The following BCAM variants were observed in gnomAD, a reference collection of about 807,000 sequenced individuals.
BCAM encodes the protein basal cell adhesion molecule.
A neutral mutation model predicts 72.4 loss-of-function variants in BCAM; 61 were observed. The observed-to-expected ratio is 0.84, with a 90% CI of 0.69 to 1.04. BCAM has a LOEUF of 1.04. BCAM is among the 50% of genes least tolerant of loss of function. BCAM has a pLI of 0.00. For missense variants in BCAM, 909 were observed against 895.0 expected (o/e 1.02, Z -0.20); for synonymous variants, 408 against 384.2 (o/e 1.06, Z -0.73).
In BCAM at chr19:44,814,571, T is replaced by G. The variant is rs1366490009; in HGVS notation, c.922-33T>G. On this transcript the variant is annotated intron_variant, in intron 7 of 14. Transcript: ENST00000270233. The surrounding 1 kb of genome is among the most constrained non-coding windows in gnomAD (Gnocchi z 4.6). ...ATGAGCCCGCTGAACCGGGGTGGCTTCTGAGCCTGGTTCCTCGTCCCCCGT... is the reference window on the plus strand; with the variant it reads ...ATGAGCCCGCTGAACCGGGGTGGCTGCTGAGCCTGGTTCCTCGTCCCCCGT... 6.2e-7 allele frequency: 1 copy of G among 1,602,966 alleles called. No individual in the cohort carries two copies. The highest frequency in any genetic ancestry group is 1.3e-5 in the African/African-American group (1 of 74,884).
At position 44,813,223 on chromosome 19, in the gene BCAM, C is replaced by T. The variant is rs757403104; in HGVS notation, c.505-27C>T. 1.5e-5 allele frequency: 24 copies of T among 1,612,442 alleles called. No homozygotes were observed. Among genetic ancestry groups the T allele is most frequent in the Non-Finnish European group, 2.0e-5 (24 of 1,179,150 alleles). On this transcript the variant is annotated intron_variant, in intron 4 of 14. Transcript: ENST00000270233. This position sits in a 1 kb window ranked among gnomAD's most constrained non-coding sequence, Gnocchi z 4.2. ...CGACTTCAGAGTCCCAGCTCCAAGC[C>T]CAGGGCCATGCCCGTGTCTGCCTCA...
At chr19:44,810,715 G>C (rs1415731958) in intron 1 of BCAM, among the ~76,000 whole-genome samples, 2 of 152,194 alleles carry the variant, frequency 1.3e-5, no homozygotes, top group East Asian at 3.8e-4. Flanking sequence ...CCCTGCCCTG[G>C]GGGGTGGCGT....
At chr19:44,820,539 C>T (rs1968570520) in intron 13 of BCAM, 166 bp from the exon 14 acceptor site, 2 of 1,286,132 alleles carry the variant, frequency 1.6e-6, no homozygotes, top group Non-Finnish European at 2.0e-6. Flanking sequence ...ACCCCAGTGC[C>T]ATTACCAGCC....
In BCAM at chr19:44,814,904, G is replaced by GGTT; in HGVS notation, c.1078+148_1078+150dup. On this transcript the variant is annotated intron_variant, in intron 8 of 14. Transcript: ENST00000270233. This position sits in a 1 kb window ranked among gnomAD's most constrained non-coding sequence, Gnocchi z 4.6. ...CTCTGCATTTCTTGGGGGTTTTTTT[G>GGTT]GTTGTTTTTTTTTTTTTTTTTTTCC... The GGTT allele has an allele frequency of 1.0e-6, 1 of 964,220 alleles. No homozygotes were observed. Among genetic ancestry groups the GGTT allele is most frequent in the African/African-American group, 1.7e-5 (1 of 57,806 alleles). The allele number at this position is 964,220 out of a possible 1,614,324, so 59.7% of individuals were successfully genotyped here.
At position 44,819,567 on chromosome 19, in the gene BCAM, A is replaced by C; in HGVS notation, c.1619-15A>C. 1 of 1,612,398 alleles carries C rather than the reference A, an allele frequency of 6.2e-7. No homozygotes were observed. Among genetic ancestry groups the C allele is most frequent in the Non-Finnish European group, 8.5e-7 (1 of 1,178,908 alleles). On this transcript the variant is annotated splice_polypyrimidine_tract_variant and intron_variant, in intron 12 of 14. Transcript: ENST00000270233. The stretch of plus-strand genomic sequence containing the variant: ...CACTGCCTGACCCACGCCTCTCTCC[A>C]TCCTGTCCCTGCAGTGAGCCCCCAG...
intron 13 of BCAM, 49 bp downstream of exon 13, chr19:44,819,775 C>T (rs750930787): frequency 6.6e-7 from 1 of 1,520,878 alleles, no homozygotes; most frequent in Admixed American, 2.2e-5. Flanking sequence ...ACCCCATCCC[C>T]ACCCTCAACC....
At chr19:44,811,372 G>A (rs1330638502) in intron 2 of BCAM, 26 bp downstream of exon 2, 1 of 1,612,402 alleles carries the variant, frequency 6.2e-7, no homozygotes, top group Non-Finnish European at 8.5e-7. Context: ...TGGGGGGCCT[G>A]GAGTCAGGGC....
intron 1 of BCAM, 88 bp from the exon 2 acceptor site, chr19:44,811,137 G>A: frequency 3.8e-6 from 6 of 1,593,198 alleles, no homozygotes; most frequent in Non-Finnish European, 5.1e-6. Flanking sequence ...CTGGGACCTG[G>A]ACGCTTGTGT....
Position 44,818,998 on chromosome 19 carries a change from C to T in BCAM, c.1337-58C>T, listed in dbSNP as rs1467394096. 9 of 1,604,170 alleles carry T rather than the reference C, an allele frequency of 5.6e-6. No individual in the cohort carries two copies. In the Admixed American group the frequency reaches 1.0e-4, roughly 18 times the overall value. The stretch of plus-strand genomic sequence containing the variant: ...GGGGACTCCATCTTCTGCTCGATGC[C>T]TCTCTTCTCTCTCTCTCTCCTCTCC... On this transcript the variant is annotated intron_variant, in intron 10 of 14. Transcript: ENST00000270233. This position sits in a 1 kb window ranked among gnomAD's most constrained non-coding sequence, Gnocchi z 4.6.
In BCAM at chr19:44,814,308, C is replaced by T; in HGVS notation, c.921+20C>T. The T allele has an allele frequency of 6.3e-7, 1 of 1,579,366 alleles. No individual in the cohort carries two copies. Among genetic ancestry groups the T allele is most frequent in the Non-Finnish European group, 8.5e-7 (1 of 1,171,540 alleles). The stretch of plus-strand genomic sequence containing the variant: ...CTTCAGGTGACCCACCCAAGGGTCC[C>T]TCTGGGATCCACCCCCCAGCCCCTG... On this transcript the variant is annotated intron_variant, in intron 7 of 14. Coordinates refer to ENST00000270233, the MANE Select transcript of BCAM (RefSeq NM_005581.5). The surrounding 1 kb of genome is among the most constrained non-coding windows in gnomAD (Gnocchi z 4.6).
chr19:44,820,939 G>A lies in BCAM; in HGVS notation c.*18G>A. Reference sequence around the variant, plus strand: ...AGTGCTGAGCCAAGAACCTCCTAGAGGCTGTCCCTGGACCTGGAGCTGCAG... The same window carrying A: ...AGTGCTGAGCCAAGAACCTCCTAGAAGCTGTCCCTGGACCTGGAGCTGCAG... On this transcript the variant is annotated 3_prime_UTR_variant, in exon 15 of 15. Coordinates refer to ENST00000270233, the MANE Select transcript of BCAM (RefSeq NM_005581.5). 2 of 1,555,634 alleles carry A rather than the reference G, an allele frequency of 1.3e-6. No individual in the cohort carries two copies. Among genetic ancestry groups the A allele is most frequent in the South Asian group, 1.2e-5 (1 of 83,948 alleles).
At position 44,819,507 on chromosome 19, in the gene BCAM, G is replaced by A. The variant is rs1968550896; in HGVS notation, c.1618+17G>A. 2 of 1,613,836 alleles carry A rather than the reference G, an allele frequency of 1.2e-6. No homozygotes were observed. Among genetic ancestry groups the A allele is most frequent in the East Asian group, 2.2e-5 (1 of 44,872 alleles). On this transcript the variant is annotated intron_variant, in intron 12 of 14. Coordinates refer to ENST00000270233, the MANE Select transcript of BCAM (RefSeq NM_005581.5). ...TCGGCACCGGTGAGTGACTGAGGTGGTGGCAGAGGAGCCGGGTGTGGGGCA... is the reference window on the plus strand; with the variant it reads ...TCGGCACCGGTGAGTGACTGAGGTGATGGCAGAGGAGCCGGGTGTGGGGCA...
At chr19:44,817,452 C>T (rs1968517133) in intron 8 of BCAM, among the ~76,000 whole-genome samples, 2 of 151,996 alleles carry the variant, frequency 1.3e-5, no homozygotes, top group Admixed American at 1.3e-4. Context: ...TTTTAGGCAC[C>T]CTCAAGAAGT....
intron 13 of BCAM, 56 bp from the exon 14 acceptor site, chr19:44,820,649 C>A: frequency 7.3e-7 from 1 of 1,377,476 alleles, no homozygotes; most frequent in Non-Finnish European, 9.4e-7. Flanking sequence ...TCAGTTCCTC[C>A]CCCTGCCGTG....
Position 44,820,923 on chromosome 19 carries a change from C to T in BCAM, c.*2C>T. ...TCTCCATCCGCTCCCCAGTGCTGAG[C>T]CAAGAACCTCCTAGAGGCTGTCCCT... On this transcript the variant is annotated 3_prime_UTR_variant, in exon 15 of 15. Coordinates refer to ENST00000270233, the MANE Select transcript of BCAM (RefSeq NM_005581.5). 1 of 1,561,808 alleles carries T rather than the reference C, an allele frequency of 6.4e-7. No individual in the cohort carries two copies. The highest frequency in any genetic ancestry group is 1.9e-5 in the Admixed American group (1 of 53,002).
At position 44,812,103 on chromosome 19, in the gene BCAM, G is replaced by A. The variant is rs1393178488; in HGVS notation, c.205-60G>A. ...GAGCTGCAGAGAGAAAGGACCCAGA[G>A]AGAGAGAGACTGAGGAGCGCTGGGA... On this transcript the variant is annotated intron_variant, in intron 2 of 14. Transcript: ENST00000270233. This position sits in a 1 kb window ranked among gnomAD's most constrained non-coding sequence, Gnocchi z 5.3. The A allele has an allele frequency of 1.3e-6, 2 of 1,486,260 alleles. No individual in the cohort carries two copies. The highest frequency in any genetic ancestry group is 1.8e-6 in the Non-Finnish European group (2 of 1,102,958). The allele number at this position is 1,486,260 out of a possible 1,614,324, so 92.1% of individuals were successfully genotyped here.
In BCAM at chr19:44,821,368, A is replaced by C. The variant is rs2122575166; in HGVS notation, c.*447A>C. 2 of 56,144 alleles carry C rather than the reference A, an allele frequency of 3.6e-5. No homozygotes were observed. The highest frequency in any genetic ancestry group is 9.1e-5 in the African/African-American group (1 of 10,974). 3.5% of individuals were successfully genotyped at this position (56,144 alleles called of 1,614,324 possible). On this transcript the variant is annotated 3_prime_UTR_variant, in exon 15 of 15. Coordinates refer to ENST00000270233, the MANE Select transcript of BCAM (RefSeq NM_005581.5). Reference sequence around the variant, plus strand: ...CCCCGCCCTACCTCCGCCCCACCCCATCATCTGTGGACACTGGAGTCTGGA... The same window carrying C: ...CCCCGCCCTACCTCCGCCCCACCCCCTCATCTGTGGACACTGGAGTCTGGA...
At position 44,819,363 on chromosome 19, in the gene BCAM, C is replaced by A; in HGVS notation, c.1491C>A (p.Pro497=). 6.2e-7 allele frequency: 1 copy of A among 1,614,072 alleles called. No individual in the cohort carries two copies. The highest frequency in any genetic ancestry group is 8.5e-7 in the Non-Finnish European group (1 of 1,179,954). Residue 497 remains proline, a synonymous_variant, in exon 12 of 15, where the codon CCC becomes CCA. Coordinates refer to ENST00000270233, the MANE Select transcript of BCAM (RefSeq NM_005581.5). ...QLGGSPAEPI[P]GRQGWVSSSL... is the part of the protein sequence containing the mutation. ...CTCCATAGCCCGCAGAGCCAATCCC[C>A]GGACGGCAGGGTTGGGTGAGCAGCT...
Position 44,820,965 on chromosome 19 carries a change from G to A in BCAM, c.*44G>A, listed in dbSNP as rs1165686839. 4 of 1,532,844 alleles carry A rather than the reference G, an allele frequency of 2.6e-6. No homozygotes were observed. The South Asian group carries it at 3.7e-5, about 14-fold the overall frequency. 95.0% of individuals were successfully genotyped at this position (1,532,844 alleles called of 1,614,324 possible). A position where few individuals can be genotyped will look rare whatever the true frequency, so the allele number is the denominator to read the frequency against. ...GCTGTCCCTGGACCTGGAGCTGCAG[G>A]CATCAGAGAACCAGCCCTGCTCACG... is the stretch of plus-strand genomic sequence containing the variant. On this transcript the variant is annotated 3_prime_UTR_variant, in exon 15 of 15. Transcript: ENST00000270233.
Sources: gnomAD v4.1 joint callset for allele counts (sites outside exome capture counted in the v4.1 genomes callset) on GRCh38, gnomAD v4.1.1 for gene constraint, Gnocchi (gnomAD v3.1) non-coding constraint, MANE v1.5 for transcripts, NCBI Gene and HGNC (gene_info 2026-07-23, HGNC 2026-07-21) for gene names.